The following TTC39B variants were observed in gnomAD, a reference collection of about 807,000 sequenced individuals.
TTC39B encodes the protein tetratricopeptide repeat protein 39B.
Under a neutral mutation model 96.6 loss-of-function variants are expected in TTC39B, and 92 were observed. The ratio of observed to expected loss-of-function variants is 0.95; its 90% CI spans 0.80 to 1.13. The LOEUF is 1.13. Ranked by LOEUF, TTC39B falls within the 50% of genes most tolerant of loss-of-function variation. TTC39B has a pLI of 0.00. For missense variants in TTC39B, 955 were observed against 809.3 expected (o/e 1.18, Z -2.18); for synonymous variants, 367 against 299.4 (o/e 1.23, Z -2.33).
chr9:15,261,526 A>G (rs948420844), intron 2 of TTC39B, among the ~76,000 whole-genome samples: 2 of 151,988 alleles, frequency 1.3e-5, no homozygotes, highest in South Asian at 2.1e-4. Context: ...TGGTTAGTCC[A>G]TTCTCCCCAC....
intron 1 of TTC39B, among the ~76,000 whole-genome samples, chr9:15,294,555 TAG>T (rs1303160209): frequency 6.6e-6 from 1 of 152,224 alleles, no homozygotes; most frequent in African/African-American, 2.4e-5. Context: ...TTTTCAGTTT[TAG>T]ATAGAGCTGG....
chr9:15,261,640 T>G (rs1025660719), intron 2 of TTC39B, among the ~76,000 whole-genome samples: 7 of 152,152 alleles, frequency 4.6e-5, no homozygotes, highest in African/African-American at 1.7e-4. Context: ...TCCTCAGAAC[T>G]GTTCACCCAG....
chr9:15,242,001 C>T (rs1185288520), intron 2 of TTC39B, among the ~76,000 whole-genome samples: 1 of 152,154 alleles, frequency 6.6e-6, no homozygotes, highest in Non-Finnish European at 1.5e-5. Context: ...CTGCCTCGAC[C>T]TCCCAAAGTG....
chr9:15,183,322 T>C (rs756915316), intron 16 of TTC39B: 221 of 428,710 alleles, frequency 5.2e-4, no homozygotes, highest in South Asian at 8.0e-4. Context: ...AGAGCAAGAG[T>C]TCAATTCAAT....
intron 3 of TTC39B, among the ~76,000 whole-genome samples, chr9:15,217,461 C>T (rs1820585846): frequency 1.3e-5 from 2 of 152,162 alleles, no homozygotes; most frequent in South Asian, 4.1e-4. Flanking sequence ...ATAAACTCAG[C>T]TCTTCTGAGT....
intron 1 of TTC39B, among the ~76,000 whole-genome samples, chr9:15,270,652 C>A (rs1044014530): frequency 6.7e-6 from 1 of 150,030 alleles, no homozygotes; most frequent in Non-Finnish European, 1.5e-5. Context: ...AGGTGGTGCA[C>A]ACCTGTAGTC....
intron 2 of TTC39B, among the ~76,000 whole-genome samples, chr9:15,266,151 G>T (rs114892190): frequency 1.6e-3 from 243 of 152,042 alleles, no homozygotes; most frequent in African/African-American, 5.4e-3. Flanking sequence ...GAAAACCTGG[G>T]TGGGGTACAC....
intron 2 of TTC39B, among the ~76,000 whole-genome samples, chr9:15,257,121 C>T (rs34345372): frequency 0.067 from 10,170 of 152,156 alleles, 399 homozygotes; most frequent in Non-Finnish European, 0.083. Flanking sequence ...TTTTAAAAAG[C>T]GACCTTTGCA....
At chr9:15,293,188 G>A (rs1824249876) in intron 1 of TTC39B, among the ~76,000 whole-genome samples, 1 of 152,136 alleles carries the variant, frequency 6.6e-6, no homozygotes, top group African/African-American at 2.4e-5. Flanking sequence ...ACAGTAACAT[G>A]TTGTACAGGC....
intron 1 of TTC39B, among the ~76,000 whole-genome samples, chr9:15,296,812 T>C (rs918513017): frequency 2.0e-5 from 3 of 152,094 alleles, no homozygotes; most frequent in African/African-American, 7.2e-5. Flanking sequence ...CAAATTTTTT[T>C]AAAAGGCAGG....
chr9:15,229,385 C>A (rs572857556), intron 2 of TTC39B, among the ~76,000 whole-genome samples: 1 of 152,306 alleles, frequency 6.6e-6, no homozygotes, highest in African/African-American at 2.4e-5. Flanking sequence ...GAGTATATAT[C>A]TTGTTTGGCT....
In TTC39B at chr9:15,268,296, G is replaced by A. The variant is rs562135432; in HGVS notation, c.241-348C>T. Reference sequence around the variant, plus strand: ...GTAAAATAAATAAGAGGACTTGCCCGATGTAGTCTTTTCTTTCTCCATGGC... The same window carrying A: ...GTAAAATAAATAAGAGGACTTGCCCAATGTAGTCTTTTCTTTCTCCATGGC... On this transcript the variant is annotated intron_variant, in intron 1 of 19. Coordinates refer to ENST00000512701, the Ensembl canonical transcript of TTC39B. Among the ~76,000 whole-genome samples, 329 of 152,168 alleles carry A rather than the reference G, an allele frequency of 2.2e-3. 1 individual carries two copies. The highest frequency in any genetic ancestry group is 2.4e-3 in the Non-Finnish European group (163 of 68,000).
intron 19 of TTC39B, 137 bp downstream of exon 19, chr9:15,174,882 C>G: frequency 4.4e-6 from 3 of 675,030 alleles, no homozygotes; most frequent in Non-Finnish European, 7.9e-6. Flanking sequence ...ATAAATCAAC[C>G]AGAAGTTAGC....
intron 2 of TTC39B, among the ~76,000 whole-genome samples, chr9:15,229,437 A>T (rs1190340103): frequency 1.3e-5 from 2 of 152,234 alleles, no homozygotes; most frequent in Non-Finnish European, 2.9e-5. Context: ...AAATTATGTT[A>T]ACTTGTAGAT....
At chr9:15,254,816 C>A (rs559156313) in intron 2 of TTC39B, among the ~76,000 whole-genome samples, 1 of 149,662 alleles carries the variant, frequency 6.7e-6, no homozygotes, top group South Asian at 2.1e-4. Flanking sequence ...AGATCTGACA[C>A]ACATAACTTT....
chr9:15,256,797 G>A (rs1255142758), intron 2 of TTC39B, among the ~76,000 whole-genome samples: 1 of 152,156 alleles, frequency 6.6e-6, no homozygotes, highest in Non-Finnish European at 1.5e-5. Flanking sequence ...ACTGTATAAG[G>A]CTTGTGGCTG....
At chr9:15,233,746 A>T (rs368202837) in intron 2 of TTC39B, among the ~76,000 whole-genome samples, 31 of 151,746 alleles carry the variant, frequency 2.0e-4, no homozygotes, top group South Asian at 4.2e-4. Flanking sequence ...CCTCCCAAAG[A>T]GCCGAGATTG....
intron 1 of TTC39B, among the ~76,000 whole-genome samples, chr9:15,283,185 C>A (rs557825226): frequency 3.4e-4 from 52 of 152,256 alleles, no homozygotes; most frequent in Non-Finnish European, 5.7e-4. Flanking sequence ...TACAGGAATA[C>A]ACTAATGTGT....
chr9:15,264,142 G>A (rs369394302), intron 2 of TTC39B, among the ~76,000 whole-genome samples: 1 of 152,226 alleles, frequency 6.6e-6, no homozygotes, highest in East Asian at 1.9e-4. Context: ...AACTATAACA[G>A]AGTTGACAGT....
Sources: allele counts gnomAD v4.1 joint callset (sites outside exome capture counted in the v4.1 genomes callset), GRCh38; gene constraint gnomAD v4.1.1; transcripts MANE v1.5; gene names NCBI Gene and HGNC (gene_info 2026-07-23, HGNC 2026-07-21).